The following EXD2 variants were observed in gnomAD, a reference collection of about 807,000 sequenced individuals.
EXD2 encodes the protein exonuclease 3'-5' domain containing 2.
In EXD2, 40 loss-of-function variants were observed where a neutral mutation model predicts 62.5. The ratio of observed to expected loss-of-function variants is 0.64; its 90% CI spans 0.50 to 0.83. EXD2 has a LOEUF of 0.83. EXD2 is among the 40% of genes least tolerant of loss of function. The pLI, the probability that EXD2 is intolerant of heterozygous loss-of-function variation, is 0.00. For synonymous variants in EXD2, 239 were observed against 291.9 expected (o/e 0.82, Z 1.85); for missense variants, 671 against 761.8 (o/e 0.88, Z 1.40).
chr14:69,222,386 A>G (rs1010350834), intron 3 of EXD2, among the ~76,000 whole-genome samples: 2 of 152,042 alleles, frequency 1.3e-5, no homozygotes, highest in East Asian at 1.9e-4. Context: ...TTATTCTTCA[A>G]CCAACTTTAA....
chr14:69,201,247 G>A (rs1443446994), intron 1 of EXD2, among the ~76,000 whole-genome samples: 2 of 151,716 alleles, frequency 1.3e-5, no homozygotes, highest in African/African-American at 4.8e-5. Context: ...GGAGTGCAGT[G>A]TTATGATCTC....
At chr14:69,235,057 A>T (rs997479585) in intron 6 of EXD2, 26 bp downstream of exon 6, 3 of 1,542,038 alleles carry the variant, frequency 1.9e-6, no homozygotes, top group Non-Finnish European at 2.6e-6. Context: ...CCTGTCTAGT[A>T]AAGAGTCAGT....
intron 5 of EXD2, among the ~76,000 whole-genome samples, chr14:69,234,498 G>C (rs770239328): frequency 2.6e-5 from 4 of 152,168 alleles, no homozygotes; most frequent in Admixed American, 6.5e-5. Flanking sequence ...GGGAACATGA[G>C]AGTTAATCAT....
chr14:69,223,292 T>C (rs1259651085), intron 3 of EXD2, among the ~76,000 whole-genome samples: 1 of 152,094 alleles, frequency 6.6e-6, no homozygotes, highest in African/African-American at 2.4e-5. Context: ...TCTCCTTGAA[T>C]GTCTAATAGT....
chr14:69,200,676 T>C (rs2042366474), intron 1 of EXD2, among the ~76,000 whole-genome samples: 1 of 150,678 alleles, frequency 6.6e-6, no homozygotes, highest in South Asian at 2.1e-4. Flanking sequence ...GCCACTGCAC[T>C]CCAGCCTTTG....
At chr14:69,215,298 ATGTGTGTG>A (rs61469385) in intron 3 of EXD2, among the ~76,000 whole-genome samples, 7 of 102,188 alleles carry the variant, frequency 6.9e-5, no homozygotes, top group East Asian at 1.4e-3. Context: ...TCAAAAATAT[ATGTGTGTG>A]TGTGTGTGTG....
intron 1 of EXD2, among the ~76,000 whole-genome samples, chr14:69,200,413 T>G (rs1005597572): frequency 1.1e-4 from 16 of 152,000 alleles, no homozygotes; most frequent in African/African-American, 2.7e-4. Context: ...TAAAAATGGC[T>G]AAAATGGGCC....
chr14:69,220,253 G>GTTTTTTTTT lies in EXD2; in HGVS notation c.334-8536_334-8528dup, dbSNP rs869194045. On this transcript the variant is annotated intron_variant, in intron 3 of 9. Transcript: ENST00000685843. ...CTCTCAGCAAGTGTTTTGTCTCTCTGTTTTTTTTTTTTTTTTTTTTTTTTT... is the reference window on the plus strand; with the variant it reads ...CTCTCAGCAAGTGTTTTGTCTCTCTGTTTTTTTTTTTTTTTTTTTTTTTTTTTTTTTTTT... Among the ~76,000 whole-genome samples, 47 of 35,116 alleles carry GTTTTTTTTT rather than the reference G, an allele frequency of 1.3e-3. 13 individuals carry two copies. The highest frequency in any genetic ancestry group is 3.3e-3 in the South Asian group (2 of 604). The allele number at this position is 35,116 out of a possible 152,430, so 23.0% of individuals were successfully genotyped here.
chr14:69,204,769 T>A (rs897678376), intron 2 of EXD2, among the ~76,000 whole-genome samples: 1 of 152,206 alleles, frequency 6.6e-6, no homozygotes, highest in Non-Finnish European at 1.5e-5. Flanking sequence ...CTTTTTTCAT[T>A]TCAATAAACA....
intron 3 of EXD2, among the ~76,000 whole-genome samples, chr14:69,216,774 A>G (rs1469174761): frequency 2.6e-5 from 4 of 152,192 alleles, no homozygotes; most frequent in African/African-American, 4.8e-5. Context: ...GCATATATAC[A>G]TTGCGGGATA....
At chr14:69,202,692 G>A (rs1312633288) in intron 1 of EXD2, among the ~76,000 whole-genome samples, 6 of 152,236 alleles carry the variant, frequency 3.9e-5, no homozygotes, top group Non-Finnish European at 7.4e-5. Context: ...TAATAAAACC[G>A]TATGTTAGGA....
intron 9 of EXD2, 96 bp from the exon 10 acceptor site, chr14:69,240,788 C>A: frequency 9.6e-7 from 1 of 1,042,010 alleles, no homozygotes; most frequent in Non-Finnish European, 1.4e-6. Flanking sequence ...GTCCTTCAAC[C>A]TCCCCAGTTA....
intron 1 of EXD2, among the ~76,000 whole-genome samples, chr14:69,201,711 C>T (rs1382439901): frequency 2.0e-5 from 2 of 101,194 alleles, no homozygotes; most frequent in Non-Finnish European, 3.5e-5. Flanking sequence ...GAGACAGAGT[C>T]TTGCTCTGTT....
At position 69,236,095 on chromosome 14, in the gene EXD2, C is replaced by A; in HGVS notation, c.1099C>A (p.Pro367Thr). Reference sequence around the variant, plus strand: ...CTTTCTCCATGCTCCTGATGGACAGCCCCTCTGCACTTGTGATAGAAGAAA... The same window carrying A: ...CTTTCTCCATGCTCCTGATGGACAGACCCTCTGCACTTGTGATAGAAGAAA... ...NCFLHAPDGQ[P>T]LCTCDRRKAQ... The change falls in exon 7 of 10, where the codon CCC (proline) becomes ACC (threonine). Residue 367 changes from proline (P) to threonine (T), a missense_variant. By Grantham distance (38) the Pro-to-Thr change is conservative. Coordinates refer to ENST00000685843, the MANE Select transcript of EXD2 (RefSeq NM_001193360.2). The A allele has an allele frequency of 6.2e-7, 1 of 1,614,150 alleles. No individual in the cohort carries two copies. Among genetic ancestry groups the A allele is most frequent in the Non-Finnish European group, 8.5e-7 (1 of 1,179,998 alleles).
At chr14:69,194,634 A>G (rs1594712111) in intron 1 of EXD2, among the ~76,000 whole-genome samples, 1 of 151,984 alleles carries the variant, frequency 6.6e-6, no homozygotes, top group South Asian at 2.1e-4. Context: ...GACATGAGCC[A>G]CCTCGCCTGG....
intron 3 of EXD2, among the ~76,000 whole-genome samples, chr14:69,219,001 G>T (rs2043079398): frequency 6.6e-6 from 1 of 152,012 alleles, no homozygotes; most frequent in Admixed American, 6.6e-5. Context: ...GCTGTTTTTT[G>T]GTTACATATG....
At chr14:69,230,996 G>T (rs1242970148) in intron 5 of EXD2, among the ~76,000 whole-genome samples, 1 of 152,156 alleles carries the variant, frequency 6.6e-6, no homozygotes, top group Non-Finnish European at 1.5e-5. Context: ...CGTTGGTCAG[G>T]CTGGTCTCGA....
intron 2 of EXD2, among the ~76,000 whole-genome samples, chr14:69,207,214 C>T (rs1260041355): frequency 6.6e-6 from 1 of 151,148 alleles, no homozygotes; most frequent in African/African-American, 2.4e-5. Context: ...TTTTTTTTGG[C>T]CCAGTGCAGT....
chr14:69,237,526 G>A (rs1453200873), intron 8 of EXD2, 49 bp from the exon 9 acceptor site: 6 of 1,564,226 alleles, frequency 3.8e-6, no homozygotes, highest in African/African-American at 1.4e-5. Flanking sequence ...CTTCCCATGT[G>A]CTCTGTCATA....
Sources: allele counts gnomAD v4.1 joint callset (sites outside exome capture counted in the v4.1 genomes callset), GRCh38; gene constraint gnomAD v4.1.1; transcripts MANE v1.5; gene names NCBI Gene and HGNC (gene_info 2026-07-23, HGNC 2026-07-21).